Variants in KCNMB4 observed in about 807,000 individuals in gnomAD.
KCNMB4 encodes the protein calcium-activated potassium channel subunit beta-4.
Under a neutral mutation model 20.7 loss-of-function variants are expected in KCNMB4, and 3 were observed. That is an observed-to-expected ratio of 0.14 (90% CI 0.07 to 0.37). KCNMB4 has a LOEUF of 0.37. KCNMB4 is among the 10% of genes least tolerant of loss of function. The pLI is 1.00. For synonymous variants in KCNMB4, 110 were observed against 113.4 expected, an observed-to-expected ratio of 0.97 and a Z score of 0.19; for missense variants, 168 against 265.9, an observed-to-expected ratio of 0.63 and a Z score of 2.56.
Position 70,422,928 on chromosome 12 carries a change from G to C in KCNMB4, c.465-7557G>C, listed in dbSNP as rs1869106226. ...GTTTCCCCAGGCCTCTACTTTAGGA[G>C]ACTTGGTTGAGACAATTACTTCACT... is the stretch of plus-strand genomic sequence containing the variant. On this transcript the variant is annotated intron_variant, in intron 2 of 2. Transcript: ENST00000258111. 1.4e-5 allele frequency: 12 copies of C among 881,906 alleles called. No individual in the cohort carries two copies. In the South Asian group the frequency reaches 3.0e-4, roughly 22 times the overall value. 54.6% of individuals were successfully genotyped at this position (881,906 alleles called of 1,614,324 possible).
chr12:70,389,994 A>T (rs710660), intron 1 of KCNMB4, among the ~76,000 whole-genome samples: 32,980 of 152,128 alleles, frequency 0.22, 6,569 homozygotes, highest in African/African-American at 0.54. Flanking sequence ...AAACAAGTTT[A>T]CTATTTGTTA....
intron 2 of KCNMB4, among the ~76,000 whole-genome samples, chr12:70,415,794 A>G (rs972552873): frequency 6.6e-6 from 1 of 150,634 alleles, no homozygotes; most frequent in Non-Finnish European, 1.5e-5. Flanking sequence ...TAAGCCAACA[A>G]CAAACATTTA....
At chr12:70,406,154 A>G (rs557576627) in intron 2 of KCNMB4, among the ~76,000 whole-genome samples, 1 of 152,190 alleles carries the variant, frequency 6.6e-6, no homozygotes, top group Admixed American at 6.5e-5. Context: ...TTACTAATCA[A>G]TGGCCATAAA....
At chr12:70,426,266 C>A (rs1430743494) in intron 2 of KCNMB4, among the ~76,000 whole-genome samples, 6 of 151,230 alleles carry the variant, frequency 4.0e-5, no homozygotes, top group Admixed American at 6.6e-5. Flanking sequence ...TGCACTCCAG[C>A]CTGGGTGACA....
Position 70,366,705 on chromosome 12 carries a change from G to A in KCNMB4, c.-30G>A, listed in dbSNP as rs1030236200. The stretch of plus-strand genomic sequence containing the variant: ...CGCCGGGGGCGGGAGGGGGCGGGGG[G>A]AGCACGCCAGCCGCCGAGAGTGGGG... On this transcript the variant is annotated 5_prime_UTR_variant, in exon 1 of 3. Coordinates refer to ENST00000258111, the MANE Select transcript of KCNMB4 (RefSeq NM_014505.6). The A allele has an allele frequency of 9.3e-6, 14 of 1,501,882 alleles. No homozygotes were observed. The highest frequency in any genetic ancestry group is 4.2e-5 in the African/African-American group (3 of 72,026). 93.0% of individuals were successfully genotyped at this position (1,501,882 alleles called of 1,614,324 possible).
intron 1 of KCNMB4, among the ~76,000 whole-genome samples, chr12:70,384,361 A>C (rs1426769479): frequency 6.6e-6 from 1 of 152,164 alleles, no homozygotes; most frequent in African/African-American, 2.4e-5. Context: ...TGTGAAACAC[A>C]AGAGACTAAA....
At chr12:70,385,942 A>T (rs1868253946) in intron 1 of KCNMB4, among the ~76,000 whole-genome samples, 1 of 152,220 alleles carries the variant, frequency 6.6e-6, no homozygotes, top group Non-Finnish European at 1.5e-5. Context: ...AGGTAACTTT[A>T]ATCCTACTTT....
chr12:70,408,441 G>T (rs11178224), intron 2 of KCNMB4, among the ~76,000 whole-genome samples: 10,532 of 152,264 alleles, frequency 0.069, 570 homozygotes, highest in East Asian at 0.25. Context: ...GTCCAGTTTT[G>T]ACTTTCAAGA....
At chr12:70,400,166 T>A in intron 1 of KCNMB4, 43 bp from the exon 2 acceptor site, 1 of 1,454,478 alleles carries the variant, frequency 6.9e-7, no homozygotes, top group Non-Finnish European at 9.3e-7. Context: ...ATCTCAATGT[T>A]CCATAAAATA....
intron 2 of KCNMB4, among the ~76,000 whole-genome samples, chr12:70,426,835 A>C (rs1208512049): frequency 1.3e-5 from 2 of 152,190 alleles, no homozygotes; most frequent in Non-Finnish European, 2.9e-5. Flanking sequence ...TATTATCACC[A>C]CATATTTTCA....
At position 70,420,040 on chromosome 12, in the gene KCNMB4, A is replaced by G. The variant is rs146646230; in HGVS notation, c.465-10445A>G. On this transcript the variant is annotated intron_variant, in intron 2 of 2. Transcript: ENST00000258111. ...AAAGAATGAAAAAAGTAAATCTTAT[A>G]ACTCAGATTGTAGATCTGAGTTATA... is the stretch of plus-strand genomic sequence containing the variant. Among the ~76,000 whole-genome samples, 710 of 152,336 alleles carry G rather than the reference A, an allele frequency of 4.7e-3. 21 individuals are homozygous for G. The highest frequency in any genetic ancestry group is 5.3e-3 in the Admixed American group (81 of 15,302).
intron 2 of KCNMB4, among the ~76,000 whole-genome samples, chr12:70,423,046 T>C (rs1869109226): frequency 6.6e-6 from 1 of 152,160 alleles, no homozygotes; most frequent in Non-Finnish European, 1.5e-5. Context: ...AAATGATAGT[T>C]TGTGGGATAA....
chr12:70,401,183 A>G (rs750235975), intron 2 of KCNMB4, among the ~76,000 whole-genome samples: 2 of 151,994 alleles, frequency 1.3e-5, no homozygotes, highest in Non-Finnish European at 2.9e-5. Context: ...ACACCACCAC[A>G]GCTGGCTAAT....
At chr12:70,419,296 G>T (rs1868990264) in intron 2 of KCNMB4, among the ~76,000 whole-genome samples, 1 of 152,132 alleles carries the variant, frequency 6.6e-6, no homozygotes, top group South Asian at 2.1e-4. Context: ...GAAACAAAAT[G>T]GCTCACCCTT....
chr12:70,429,439 G>A (rs993701205), intron 2 of KCNMB4, among the ~76,000 whole-genome samples: 2 of 152,110 alleles, frequency 1.3e-5, no homozygotes, highest in South Asian at 2.1e-4. Context: ...GGCCGAGGAG[G>A]GCGGATCACG....
intron 2 of KCNMB4, 48 bp from the exon 3 acceptor site, chr12:70,430,437 C>T (rs1869332635): frequency 6.3e-7 from 1 of 1,599,282 alleles, no homozygotes. Context: ...TTTTTCAGTG[C>T]CAAGGCATTT....
chr12:70,392,526 G>GCA (rs1868308320), intron 1 of KCNMB4, among the ~76,000 whole-genome samples: 1 of 152,132 alleles, frequency 6.6e-6, no homozygotes, highest in South Asian at 2.1e-4. Flanking sequence ...AAAGACACAT[G>GCA]CACACGTTTG....
intron 2 of KCNMB4, among the ~76,000 whole-genome samples, chr12:70,403,695 C>T (rs905481630): frequency 2.0e-5 from 3 of 152,194 alleles, no homozygotes; most frequent in Non-Finnish European, 4.4e-5. Flanking sequence ...TGAAACCGGG[C>T]ATTAGCATTT....
At chr12:70,402,332 T>C (rs966993046) in intron 2 of KCNMB4, among the ~76,000 whole-genome samples, 3 of 151,958 alleles carry the variant, frequency 2.0e-5, no homozygotes, top group Non-Finnish European at 2.9e-5. Context: ...AATTAGGAAA[T>C]GTATTATTTT....
Sources: allele counts gnomAD v4.1 joint callset (sites outside exome capture counted in the v4.1 genomes callset), GRCh38; gene constraint gnomAD v4.1.1; transcripts MANE v1.5; gene names NCBI Gene and HGNC (gene_info 2026-07-23, HGNC 2026-07-21).